GOLGA6L4: variants seen among roughly 807,000 people sequenced by gnomAD.
GOLGA6L4 encodes golgin subfamily A member 6-like protein 4.
Under a neutral mutation model 17.6 loss-of-function variants are expected in GOLGA6L4, and 1 was observed. That is an observed-to-expected ratio of 0.06 (90% confidence interval 0.02 to 0.27). The LOEUF is 0.27. Among genes scored for constraint, GOLGA6L4 ranks in the 10% least tolerant of loss-of-function variants. The probability of loss-of-function intolerance (pLI) is 1.00; values close to 1 mark genes in which losing one functional copy is unlikely to be tolerated. For missense variants in GOLGA6L4, 14 were observed against 172.2 expected (o/e 0.08, Z 5.14); for synonymous variants, 1 against 73.2 (o/e 0.01, Z 5.04).
rs2069635458 is a variant in GOLGA6L4 at position 84,240,479 on chromosome 15, G to C, written c.1125G>C (p.Glu375Asp). The C allele has an allele frequency of 1.8e-6, 1 of 548,988 alleles. No individual in the cohort carries two copies. Among genetic ancestry groups the C allele is most frequent in the African/African-American group, 2.9e-5 (1 of 34,392 alleles). The allele number at this position is 548,988 out of a possible 1,614,324, so 34.0% of individuals were successfully genotyped here. A position where few individuals can be genotyped will look rare whatever the true frequency, so the allele number is the denominator to read the frequency against. ...AGCAGGAGAGGCTGCTGGAGAGGGA[G>C]AGGCTGCTGGAAGAGGTGGAGAAGC... ...QEEQERLLER[E>D]RLLEEVEKLL... Residue 375 changes from glutamate (E) to aspartate (D), a missense_variant, in exon 6 of 9, where the codon GAG becomes GAC. By Grantham distance (45) the Glu-to-Asp change is conservative (BLOSUM62 2). Transcript: ENST00000510439.
In GOLGA6L4 at chr15:84,243,756, CCT is replaced by C. The variant is rs1335299950; in HGVS notation, c.*1165_*1166del. ...TCGAGTGAAGGAAAGCTGTGTGACACCTGGCATTCCTCTGTGTTCATGGAGCT... is the reference window on the plus strand; with the variant it reads ...TCGAGTGAAGGAAAGCTGTGTGACACGGCATTCCTCTGTGTTCATGGAGCT... On this transcript the variant is annotated 3_prime_UTR_variant, in exon 9 of 9. Coordinates refer to ENST00000510439, the MANE Select transcript of GOLGA6L4 (RefSeq NM_001267536.3). 1.7e-5 allele frequency: 1 copy of C among 59,212 alleles called. No homozygotes were observed. The highest frequency in any genetic ancestry group is 4.3e-5 in the Non-Finnish European group (1 of 23,320). The allele number at this position is 59,212 out of a possible 1,614,324, so 3.7% of individuals were successfully genotyped here. A position where few individuals can be genotyped will look rare whatever the true frequency, so the allele number is the denominator to read the frequency against.
chr15:84,240,084 C>CATGAGGAGAGGCTGT lies in GOLGA6L4; in HGVS notation c.730_731insATGAGGAGAGGCTGT (p.Arg244delinsHisGluGluArgLeuCys). On this transcript the variant is annotated protein_altering_variant, in exon 6 of 9. Coordinates refer to ENST00000510439, the MANE Select transcript of GOLGA6L4 (RefSeq NM_001267536.3). ...GCTGTGTGAACAGGAGGAGAGGCTA[C>CATGAGGAGAGGCTGT]GTGAACATGAGGAGAGGCTGTGTGA... 2 of 357,112 alleles carry CATGAGGAGAGGCTGT rather than the reference C, an allele frequency of 5.6e-6. No individual in the cohort carries two copies. Among genetic ancestry groups the CATGAGGAGAGGCTGT allele is most frequent in the Non-Finnish European group, 4.4e-6 (1 of 227,366 alleles). The allele number at this position is 357,112 out of a possible 1,614,324, so 22.1% of individuals were successfully genotyped here. A position where few individuals can be genotyped will look rare whatever the true frequency, so the allele number is the denominator to read the frequency against.
rs1244141268 is a variant in GOLGA6L4, at chr15:84,240,554, G to T, written c.1200G>T (p.Arg400Ser). Residue 400 changes from arginine (R) to serine (S), a missense_variant, in exon 6 of 9, where the codon AGG becomes AGT. By Grantham distance (110) the Arg-to-Ser change is moderately radical (BLOSUM62 -1). Transcript: ENST00000510439. ...RQEEQERLLE[R>S]ERLLDEVEEL... The stretch of plus-strand genomic sequence containing the variant: ...AGGAGCAGGAGAGGCTGCTGGAGAG[G>T]GAGAGGCTGCTGGACGAGGTGGAGG... 1 of 786,554 alleles carries T rather than the reference G, an allele frequency of 1.3e-6. No homozygotes were observed. Among genetic ancestry groups the T allele is most frequent in the South Asian group, 1.6e-5 (1 of 63,610 alleles). 48.7% of individuals were successfully genotyped at this position (786,554 alleles called of 1,614,324 possible). A position where few individuals can be genotyped will look rare whatever the true frequency, so the allele number is the denominator to read the frequency against.
rs2069681378 is a variant in GOLGA6L4, at chr15:84,244,267, CACTT to C, written c.*1680_*1683del. On this transcript the variant is annotated 3_prime_UTR_variant, in exon 9 of 9. Coordinates refer to ENST00000510439, the MANE Select transcript of GOLGA6L4 (RefSeq NM_001267536.3). ...GCATTCTTTGAGTTCAGTTTAAAGA[CACTT>C]ACTTTAACTCCATTTTAAACCCTCG... 1.3e-5 allele frequency: 1 copy of C among 78,652 alleles called. No homozygotes were observed. Among genetic ancestry groups the C allele is most frequent in the Non-Finnish European group, 2.7e-5 (1 of 37,434 alleles). 4.9% of individuals were successfully genotyped at this position (78,652 alleles called of 1,614,324 possible).
Position 84,243,383 on chromosome 15 carries a change from C to A in GOLGA6L4, c.*791C>A, listed in dbSNP as rs1833982706. The A allele has an allele frequency of 3.0e-5, 1 of 33,318 alleles. No homozygotes were observed. Among genetic ancestry groups the A allele is most frequent in the Non-Finnish European group, 8.3e-5 (1 of 12,010 alleles). 2.1% of individuals were successfully genotyped at this position (33,318 alleles called of 1,614,324 possible). A position where few individuals can be genotyped will look rare whatever the true frequency, so the allele number is the denominator to read the frequency against. ...GAATGAGCGCTGTACTACGGTAGTT[C>A]CCTTAGGATTTGTATGTGCTCTGGG... On this transcript the variant is annotated 3_prime_UTR_variant, in exon 9 of 9. Transcript: ENST00000510439.
In GOLGA6L4 at chr15:84,244,213, T is replaced by C. The variant is rs1329970808; in HGVS notation, c.*1621T>C. On this transcript the variant is annotated 3_prime_UTR_variant, in exon 9 of 9. Transcript: ENST00000510439. ...GGCTTAAAATGGACTAAAGGTCCTG[T>C]TCTTGCCTTGTCTGAACTTGCCGCT... is the stretch of plus-strand genomic sequence containing the variant. 11 of 87,234 alleles carry C rather than the reference T, an allele frequency of 1.3e-4. No homozygotes were observed. Among genetic ancestry groups the C allele is most frequent in the South Asian group, 5.1e-4 (1 of 1,944 alleles). The allele number at this position is 87,234 out of a possible 1,614,324, so 5.4% of individuals were successfully genotyped here. A position where few individuals can be genotyped will look rare whatever the true frequency, so the allele number is the denominator to read the frequency against.
chr15:84,244,629 T>G lies in GOLGA6L4; in HGVS notation c.*2037T>G, dbSNP rs2142026018. 1 of 14,624 alleles carries G rather than the reference T, an allele frequency of 6.8e-5. No homozygotes were observed. Among genetic ancestry groups the G allele is most frequent in the Admixed American group, 6.5e-4 (1 of 1,536 alleles). 0.9% of individuals were successfully genotyped at this position (14,624 alleles called of 1,614,324 possible). On this transcript the variant is annotated 3_prime_UTR_variant, in exon 9 of 9. Coordinates refer to ENST00000510439, the MANE Select transcript of GOLGA6L4 (RefSeq NM_001267536.3). ...CTCTTTGTGTAGGTATTTTGTCATATGTTTAAGAAAAAGCTAAAGAGAATG... is the reference window on the plus strand; with the variant it reads ...CTCTTTGTGTAGGTATTTTGTCATAGGTTTAAGAAAAAGCTAAAGAGAATG...
At position 84,243,921 on chromosome 15, in the gene GOLGA6L4, CTAATA is replaced by C. The variant is rs1449515972; in HGVS notation, c.*1332_*1336del. 2.3e-3 allele frequency: 25 copies of C among 10,976 alleles called. No homozygotes were observed. Among genetic ancestry groups the C allele is most frequent in the African/African-American group, 5.0e-3 (23 of 4,578 alleles). 0.7% of individuals were successfully genotyped at this position (10,976 alleles called of 1,614,324 possible). On this transcript the variant is annotated 3_prime_UTR_variant, in exon 9 of 9. Coordinates refer to ENST00000510439, the MANE Select transcript of GOLGA6L4 (RefSeq NM_001267536.3). ...AAATAATAACAAACATTATTATAAACTAATATATGTGAGAGTACTTAGTTGAAACA... is the reference window on the plus strand; with the variant it reads ...AAATAATAACAAACATTATTATAAACTATGTGAGAGTACTTAGTTGAAACA...
rs1595979416 is a variant in GOLGA6L4, at chr15:84,242,983, C to G, written c.*391C>G. On this transcript the variant is annotated 3_prime_UTR_variant, in exon 9 of 9. Transcript: ENST00000510439. The stretch of plus-strand genomic sequence containing the variant: ...CACTGTATGCACACAACTGTTCTTG[C>G]TGGTTTGGGATAGGCTGCCATGCTT... 2 of 61,810 alleles carry G rather than the reference C, an allele frequency of 3.2e-5. No individual in the cohort carries two copies. The highest frequency in any genetic ancestry group is 6.9e-4 in the South Asian group (2 of 2,892). The allele number at this position is 61,810 out of a possible 1,614,324, so 3.8% of individuals were successfully genotyped here. A position where few individuals can be genotyped will look rare whatever the true frequency, so the allele number is the denominator to read the frequency against.
rs1475087204 is a variant in GOLGA6L4, at chr15:84,240,609, G to A, written c.1255G>A (p.Glu419Lys). 2 of 872,890 alleles carry A rather than the reference G, an allele frequency of 2.3e-6. No homozygotes were observed. Among genetic ancestry groups the A allele is most frequent in the East Asian group, 5.2e-5 (2 of 38,656 alleles). The allele number at this position is 872,890 out of a possible 1,614,324, so 54.1% of individuals were successfully genotyped here. A position where few individuals can be genotyped will look rare whatever the true frequency, so the allele number is the denominator to read the frequency against. The change falls in exon 6 of 9, where the codon GAG becomes AAG. Residue 419 changes from glutamate (E) to lysine (K), a missense_variant. Transcript: ENST00000510439. Reference protein sequence around the residue: ...ELLDEVEELLEQERLRQQDER... With the variant: ...ELLDEVEELLKQERLRQQDER... ...CCTGGATGAGGTGGAGGAGCTCCTG[G>A]AGCAGGAGAGGCTTCGGCAACAGGA...
rs1595979501 is a variant in GOLGA6L4 at position 84,243,348 on chromosome 15, C to T, written c.*756C>T. On this transcript the variant is annotated 3_prime_UTR_variant, in exon 9 of 9. Transcript: ENST00000510439. ...CAGGATAGAATATGTTTCATTTGTT[C>T]CGGTGCCAAGAATGAGCGCTGTACT... 2 of 32,634 alleles carry T rather than the reference C, an allele frequency of 6.1e-5. No individual in the cohort carries two copies. Among genetic ancestry groups the T allele is most frequent in the Admixed American group, 5.5e-4 (2 of 3,632 alleles). 2.0% of individuals were successfully genotyped at this position (32,634 alleles called of 1,614,324 possible). A position where few individuals can be genotyped will look rare whatever the true frequency, so the allele number is the denominator to read the frequency against.
Position 84,240,482 on chromosome 15 carries a change from G to C in GOLGA6L4, c.1128G>C (p.Arg376Ser), listed in dbSNP as rs1342296717. ...AGGAGAGGCTGCTGGAGAGGGAGAG[G>C]CTGCTGGAAGAGGTGGAGAAGCTGT... is the stretch of plus-strand genomic sequence containing the variant. ...EEQERLLERERLLEEVEKLLE... is the reference protein window; with the variant it reads ...EEQERLLERESLLEEVEKLLE... The change falls in exon 6 of 9, where the codon AGG (arginine) becomes AGC (serine). Residue 376 changes from arginine to serine, a missense_variant. By Grantham distance (110) the Arg-to-Ser change is moderately radical. Transcript: ENST00000510439. The C allele has an allele frequency of 1.5e-5, 8 of 546,798 alleles. No individual in the cohort carries two copies. The East Asian group carries it at 2.4e-4, about 16-fold the overall frequency. The allele number at this position is 546,798 out of a possible 1,614,324, so 33.9% of individuals were successfully genotyped here. A position where few individuals can be genotyped will look rare whatever the true frequency, so the allele number is the denominator to read the frequency against.
At position 84,243,517 on chromosome 15, in the gene GOLGA6L4, GA is replaced by G. The variant is rs2069675547; in HGVS notation, c.*929del. On this transcript the variant is annotated 3_prime_UTR_variant, in exon 9 of 9. Coordinates refer to ENST00000510439, the MANE Select transcript of GOLGA6L4 (RefSeq NM_001267536.3). The stretch of plus-strand genomic sequence containing the variant: ...GGCTCCCATCATGACTGTGGATGTG[GA>G]AAACCTTTTCTAGCTGAGAGCATTT... The G allele has an allele frequency of 9.3e-6, 1 of 107,164 alleles. No homozygotes were observed. Among genetic ancestry groups the G allele is most frequent in the Non-Finnish European group, 2.3e-5 (1 of 44,174 alleles). 6.6% of individuals were successfully genotyped at this position (107,164 alleles called of 1,614,324 possible). A position where few individuals can be genotyped will look rare whatever the true frequency, so the allele number is the denominator to read the frequency against.
In GOLGA6L4 at chr15:84,244,330, T is replaced by TTA. The variant is rs1370916863; in HGVS notation, c.*1740_*1741dup. Reference sequence around the variant, plus strand: ...ATCGTACCACTGTTAATTAGCCACGTTATTTGGTCTAACAGTTTTTGTTTA... The same window carrying TTA: ...ATCGTACCACTGTTAATTAGCCACGTTATATTTGGTCTAACAGTTTTTGTTTA... On this transcript the variant is annotated 3_prime_UTR_variant, in exon 9 of 9. Transcript: ENST00000510439. 5 of 22,156 alleles carry TTA rather than the reference T, an allele frequency of 2.3e-4. No individual in the cohort carries two copies. The highest frequency in any genetic ancestry group is 2.6e-4 in the Non-Finnish European group (3 of 11,450). 1.4% of individuals were successfully genotyped at this position (22,156 alleles called of 1,614,324 possible).
chr15:84,243,850 C>A lies in GOLGA6L4; in HGVS notation c.*1258C>A, dbSNP rs1173712074. The A allele has an allele frequency of 1.7e-4, 9 of 52,596 alleles. No homozygotes were observed. Among genetic ancestry groups the A allele is most frequent in the African/African-American group, 2.7e-4 (5 of 18,372 alleles). The allele number at this position is 52,596 out of a possible 1,614,324, so 3.3% of individuals were successfully genotyped here. A position where few individuals can be genotyped will look rare whatever the true frequency, so the allele number is the denominator to read the frequency against. ...TGGCTAATAGCTAGTCTTCAACCAT[C>A]TGACATAGGAATTTACTTCTTTTCC... On this transcript the variant is annotated 3_prime_UTR_variant, in exon 9 of 9. Coordinates refer to ENST00000510439, the MANE Select transcript of GOLGA6L4 (RefSeq NM_001267536.3).
chr15:84,244,579 ATATAC>A lies in GOLGA6L4; in HGVS notation c.*1992_*1996del, dbSNP rs2069683961. 1 of 37,322 alleles carries A rather than the reference ATATAC, an allele frequency of 2.7e-5. No homozygotes were observed. The highest frequency in any genetic ancestry group is 1.1e-4 in the African/African-American group (1 of 9,238). 2.3% of individuals were successfully genotyped at this position (37,322 alleles called of 1,614,324 possible). A position where few individuals can be genotyped will look rare whatever the true frequency, so the allele number is the denominator to read the frequency against. ...AGATGAATGTCAGTCTGAAAAATAAATATACTATATTAATTCAAATACGACTCTTT... is the reference window on the plus strand; with the variant it reads ...AGATGAATGTCAGTCTGAAAAATAAATATATTAATTCAAATACGACTCTTT... On this transcript the variant is annotated 3_prime_UTR_variant, in exon 9 of 9. Coordinates refer to ENST00000510439, the MANE Select transcript of GOLGA6L4 (RefSeq NM_001267536.3).
chr15:84,235,830 C>T lies in GOLGA6L4; in HGVS notation c.-5C>T. On this transcript the variant is annotated 5_prime_UTR_variant, in exon 1 of 9. Transcript: ENST00000510439. The stretch of plus-strand genomic sequence containing the variant: ...CATTGAGCAGTGCTCACTGGTATTT[C>T]GCTGATGTGGCCCCAACCCCGCTTC... The T allele has an allele frequency of 1.2e-5, 4 of 346,210 alleles. 1 individual carries two copies. The highest frequency in any genetic ancestry group is 1.5e-4 in the East Asian group (2 of 13,018). 21.4% of individuals were successfully genotyped at this position (346,210 alleles called of 1,614,324 possible). A position where few individuals can be genotyped will look rare whatever the true frequency, so the allele number is the denominator to read the frequency against.
intron 5 of GOLGA6L4, 101 bp from the exon 6 acceptor site, chr15:84,239,687 C>G: frequency 2.8e-6 from 1 of 361,066 alleles, no homozygotes; most frequent in Non-Finnish European, 5.2e-6. Flanking sequence ...GCAGTGAGGC[C>G]AAGTTTGGGA....
chr15:84,245,306 T>C lies in GOLGA6L4; in HGVS notation c.*2714T>C, dbSNP rs1391294017. 4.4e-5 allele frequency: 5 copies of C among 114,540 alleles called. No individual in the cohort carries two copies. Among genetic ancestry groups the C allele is most frequent in the African/African-American group, 1.4e-4 (5 of 35,940 alleles). 7.1% of individuals were successfully genotyped at this position (114,540 alleles called of 1,614,324 possible). ...TTTTGTCTAAAGTGGCATTATTGAC[T>C]GCTTCTGTGATGCTACTGTAATGTA... On this transcript the variant is annotated 3_prime_UTR_variant, in exon 9 of 9. Transcript: ENST00000510439.
Sources: gnomAD v4.1 joint callset for allele counts on GRCh38, gnomAD v4.1.1 for gene constraint, MANE v1.5 for transcripts, NCBI Gene and HGNC (gene_info 2026-07-23, HGNC 2026-07-21) for gene names.